The following GALNT13 variants were observed in gnomAD, a reference collection of about 807,000 sequenced individuals.
The protein encoded by GALNT13 is UDP-GalNAc:polypeptide N-acetylgalactosaminyltransferase 13.
GALNT13 carries 28 observed loss-of-function variants against 64.2 expected under a neutral mutation model. That is an observed-to-expected ratio of 0.44 (90% confidence interval 0.32 to 0.60). The LOEUF is 0.60. Ranked by LOEUF, GALNT13 falls within the 20% of genes least tolerant of loss-of-function variation. The pLI is 0.05. For synonymous variants in GALNT13, 214 were observed against 224.6 expected (o/e 0.95, Z 0.42); for missense variants, 577 against 669.8 (o/e 0.86, Z 1.53).
chr2:153,776,306 A>G, the GALNT13 span, among the ~76,000 whole-genome samples: 1 of 152,206 alleles, frequency 6.6e-6, no homozygotes, highest in Non-Finnish European at 1.5e-5. Context: ...TTTATGTTTT[A>G]CCCATCACAG....
At chr2:153,537,970 G>C in the GALNT13 span, among the ~76,000 whole-genome samples, 1 of 152,152 alleles carries the variant, frequency 6.6e-6, no homozygotes, top group Non-Finnish European at 1.5e-5. Flanking sequence ...GTGGATTGCT[G>C]TTATAAAGGT....
chr2:153,264,366 G>A, the GALNT13 span, among the ~76,000 whole-genome samples: 1 of 152,202 alleles, frequency 6.6e-6, no homozygotes, highest in Non-Finnish European at 1.5e-5. Context: ...AACCATTGTA[G>A]AAGACAGTGT....
the GALNT13 span, among the ~76,000 whole-genome samples, chr2:153,318,217 C>T: frequency 6.7e-6 from 1 of 149,670 alleles, no homozygotes; most frequent in Non-Finnish European, 1.5e-5. Flanking sequence ...TACAAGGAAT[C>T]ACTGTTTTGG....
the GALNT13 span, among the ~76,000 whole-genome samples, chr2:153,198,580 T>C: frequency 6.6e-6 from 1 of 152,242 alleles, no homozygotes; most frequent in Non-Finnish European, 1.5e-5. Context: ...TTGAGTGTCC[T>C]GTGCCTCTAG....
At chr2:154,187,032 G>T (rs1400301262) in intron 4 of GALNT13, among the ~76,000 whole-genome samples, 2 of 151,860 alleles carry the variant, frequency 1.3e-5, no homozygotes, top group African/African-American at 4.8e-5. Context: ...TATCAAAGTA[G>T]TCTTACAACT....
intron 4 of GALNT13, among the ~76,000 whole-genome samples, chr2:154,156,541 T>C (rs1684433139): frequency 1.3e-5 from 2 of 152,174 alleles, no homozygotes; most frequent in African/African-American, 4.8e-5. Context: ...GACCTGGAAT[T>C]TTCAATCAAA....
chr2:154,058,726 A>G (rs1253447376), intron 3 of GALNT13, among the ~76,000 whole-genome samples: 1 of 152,154 alleles, frequency 6.6e-6, no homozygotes, highest in Non-Finnish European at 1.5e-5. Context: ...GAGGAGAGGG[A>G]TACTGGAAAT....
In GALNT13 at chr2:154,272,163, T is replaced by C. The variant is rs116236176; in HGVS notation, c.975+13025T>C. Among the ~76,000 whole-genome samples the C allele has an allele frequency of 1.8e-3, 279 of 152,156 alleles. 1 individual carries two copies. Among genetic ancestry groups the C allele is most frequent in the African/African-American group, 6.1e-3 (255 of 41,564 alleles). On this transcript the variant is annotated intron_variant, in intron 8 of 12. Transcript: ENST00000392825. ...GAAATGTTTTGTTGGAAAATCAATC[T>C]AATTGAGAAAGTTTTTCTGTCTTCT... is the stretch of plus-strand genomic sequence containing the variant.
intron 9 of GALNT13, among the ~76,000 whole-genome samples, chr2:154,338,456 A>G (rs920328204): frequency 1.1e-4 from 16 of 152,118 alleles, no homozygotes; most frequent in Admixed American, 9.8e-4. Flanking sequence ...ATTTGTTTCA[A>G]TTAGGGATGG....
At chr2:154,411,317 TACACACACACACACACACACACACACAC>T (rs59114913) in intron 11 of GALNT13, among the ~76,000 whole-genome samples, 4 of 147,774 alleles carry the variant, frequency 2.7e-5, no homozygotes, top group African/African-American at 5.0e-5. Flanking sequence ...TAATTGCACA[TACACACACACACACACACACACACACAC>T]ACACACACAC....
At chr2:154,428,649 G>A (rs1186202219) in intron 11 of GALNT13, among the ~76,000 whole-genome samples, 3 of 152,048 alleles carry the variant, frequency 2.0e-5, no homozygotes, top group Admixed American at 6.6e-5. Flanking sequence ...CATGGAGCAT[G>A]TCTATTGGCT....
At chr2:153,669,099 G>A in the GALNT13 span, among the ~76,000 whole-genome samples, 1 of 152,140 alleles carries the variant, frequency 6.6e-6, no homozygotes, top group African/African-American at 2.4e-5. Flanking sequence ...CTGGGGGCCT[G>A]CATTCTAGCT....
At chr2:154,172,900 A>G (rs1178905932) in intron 4 of GALNT13, among the ~76,000 whole-genome samples, 1 of 152,064 alleles carries the variant, frequency 6.6e-6, no homozygotes, top group Non-Finnish European at 1.5e-5. Flanking sequence ...ATACTACCCA[A>G]AGCAATTTAT....
At chr2:153,309,324 A>C in the GALNT13 span, among the ~76,000 whole-genome samples, 1 of 152,204 alleles carries the variant, frequency 6.6e-6, no homozygotes, top group Non-Finnish European at 1.5e-5. Context: ...AAGAGTTAAG[A>C]GATCTGGGTT....
the GALNT13 span, among the ~76,000 whole-genome samples, chr2:153,437,117 T>C: frequency 6.6e-6 from 1 of 152,196 alleles, no homozygotes; most frequent in Non-Finnish European, 1.5e-5. Context: ...TTGTTCAGTT[T>C]CCATGTAGTT....
intron 3 of GALNT13, among the ~76,000 whole-genome samples, chr2:154,003,657 T>C (rs2105227394): frequency 6.6e-6 from 1 of 152,334 alleles, no homozygotes; most frequent in South Asian, 2.1e-4. Context: ...TCTCATGTTC[T>C]TGTAATCCCC....
At chr2:153,487,821 A>G in the GALNT13 span, among the ~76,000 whole-genome samples, 1 of 152,206 alleles carries the variant, frequency 6.6e-6, no homozygotes, top group Non-Finnish European at 1.5e-5. Flanking sequence ...GGGAACAATC[A>G]AGGAATTTGA....
intron 9 of GALNT13, among the ~76,000 whole-genome samples, chr2:154,389,568 A>G (rs1459617472): frequency 3.3e-5 from 5 of 152,182 alleles, no homozygotes; most frequent in Non-Finnish European, 5.9e-5. Flanking sequence ...TTTTAGAGAG[A>G]CAGAACTATT....
chr2:153,437,484 G>A, the GALNT13 span, among the ~76,000 whole-genome samples: 1 of 152,020 alleles, frequency 6.6e-6, no homozygotes, highest in Non-Finnish European at 1.5e-5. Context: ...GGTCACTCAG[G>A]ACTTGCTTTA....
Sources: allele counts gnomAD v4.1 joint callset (sites outside exome capture counted in the v4.1 genomes callset), GRCh38; gene constraint gnomAD v4.1.1; transcripts MANE v1.5; gene names NCBI Gene and HGNC (gene_info 2026-07-23, HGNC 2026-07-21).